The following MINDY1 variants were observed in gnomAD, a reference collection of about 807,000 sequenced individuals.
MINDY1 encodes MINDY lysine 48 deubiquitinase 1.
MINDY1 carries 50 observed loss-of-function variants against 53.6 expected under a neutral mutation model. The ratio of observed to expected loss-of-function variants is 0.93; its 90% confidence interval spans 0.74 to 1.18. MINDY1 has a LOEUF of 1.18. MINDY1 is among the 50% of genes most tolerant of loss of function. The pLI is 0.00. For missense variants in MINDY1, 484 were observed against 578.6 expected, an observed-to-expected ratio of 0.84 and a Z score of 1.68; for synonymous variants, 231 against 234.7, an observed-to-expected ratio of 0.98 and a Z score of 0.14.
At chr1:151,008,328 A>T (rs1048287289), upstream of MINDY1, 7 of 1,315,146 alleles carry the variant, frequency 5.3e-6, no homozygotes, top group South Asian at 4.9e-5. Flanking sequence ...TTGCGGGACT[A>T]CGTTTCCCAC....
Position 151,002,379 on chromosome 1 carries a change from G to A in MINDY1, c.239C>T (p.Pro80Leu). Residue 80 changes from proline (P) to leucine (L), a missense_variant, in exon 2 of 10, where the codon CCA becomes CTA. Physicochemically the swap from Pro to Leu is moderately conservative, Grantham distance 98. Transcript: ENST00000683666. The surrounding 1 kb of genome is among the most constrained non-coding windows in gnomAD (Gnocchi z 4.1). ...TACTTCAGGCAGTGTCCCAAGGGTT[G>A]GCCCCGGTGGAGCTGAGCTAGCTTC... ...LPEASSAPPG[P>L]TLGTLPEVET... 1.2e-6 allele frequency: 2 copies of A among 1,614,186 alleles called. No homozygotes were observed. Among genetic ancestry groups the A allele is most frequent in the Non-Finnish European group, 1.7e-6 (2 of 1,180,036 alleles).
In MINDY1 at chr1:150,997,122, G is replaced by T; in HGVS notation, c.*165C>A. 1.4e-6 allele frequency: 1 copy of T among 709,028 alleles called. No individual in the cohort carries two copies. The allele number at this position is 709,028 out of a possible 1,614,324, so 43.9% of individuals were successfully genotyped here. Reference sequence around the variant, plus strand: ...GGCAGAGAAGGCAGCAGCACGTGAGGTCAAGGACATTACCAAGTCTGACCT... The same window carrying T: ...GGCAGAGAAGGCAGCAGCACGTGAGTTCAAGGACATTACCAAGTCTGACCT... On this transcript the variant is annotated 3_prime_UTR_variant, in exon 10 of 10. Transcript: ENST00000683666.
chr1:151,004,236 T>A lies in MINDY1; in HGVS notation c.-89-1530A>T, dbSNP rs1672888240. 2.6e-5 allele frequency among the ~76,000 whole-genome samples: 4 copies of A among 152,020 alleles called. No homozygotes were observed. In the South Asian group the frequency reaches 8.3e-4, roughly 32 times the overall value. ...CCGTGCCCAGTCCTCTCCAGGTCAT[T>A]TTAGATGTGAACACCGGACCTGTTT... On this transcript the variant is annotated intron_variant, in intron 1 of 9. Coordinates refer to ENST00000683666, the MANE Select transcript of MINDY1 (RefSeq NM_001376665.1).
intron 7 of MINDY1, among the ~76,000 whole-genome samples, chr1:150,998,810 C>A (rs775446028): frequency 1.3e-5 from 2 of 152,156 alleles, no homozygotes; most frequent in Non-Finnish European, 2.9e-5. Context: ...ACCCTGCTCC[C>A]CCCATTTCCC....
Position 151,002,947 on chromosome 1 carries a change from C to T in MINDY1, c.-89-241G>A. The T allele has an allele frequency of 7.6e-7, 1 of 1,320,376 alleles. No individual in the cohort carries two copies. Among genetic ancestry groups the T allele is most frequent in the South Asian group, 1.8e-5 (1 of 54,566 alleles). The allele number at this position is 1,320,376 out of a possible 1,614,324, so 81.8% of individuals were successfully genotyped here. A position where few individuals can be genotyped will look rare whatever the true frequency, so the allele number is the denominator to read the frequency against. On this transcript the variant is annotated intron_variant, in intron 1 of 9. Coordinates refer to ENST00000683666, the MANE Select transcript of MINDY1 (RefSeq NM_001376665.1). This position sits in a 1 kb window ranked among gnomAD's most constrained non-coding sequence, Gnocchi z 4.1. ...GGGAGGGAAGACTGGTGGGATTGAA[C>T]ACATGGGTGGAGTCAGCTTCCCTGA...
chr1:151,008,123 G>T, upstream of MINDY1: 1 of 568,760 alleles, frequency 1.8e-6, no homozygotes, highest in Non-Finnish European at 2.3e-6. Context: ...AAGATGATCT[G>T]TTTTGCCAAG....
At chr1:151,001,392 G>A (rs928230342) in intron 3 of MINDY1, 78 bp from the exon 4 acceptor site, 64 of 1,464,916 alleles carry the variant, frequency 4.4e-5, no homozygotes, top group Non-Finnish European at 5.8e-5. Flanking sequence ...TGGAGAATGC[G>A]GGTAATGTCA....
At position 151,006,707 on chromosome 1, in the gene MINDY1, G is replaced by A; in HGVS notation, c.-485C>T. ...TCTTTTTTGTTCTCATCAGGACGAA[G>A]AAAAATTAGGCAAGGACAAGCTCCC... is the stretch of plus-strand genomic sequence containing the variant. On this transcript the variant is annotated 5_prime_UTR_variant, in exon 1 of 10. Transcript: ENST00000683666. The A allele has an allele frequency of 1.0e-6, 1 of 985,622 alleles. No homozygotes were observed. 61.1% of individuals were successfully genotyped at this position (985,622 alleles called of 1,614,324 possible).
chr1:151,006,243 C>A, intron 1 of MINDY1, 69 bp downstream of exon 1: 1 of 1,509,982 alleles, frequency 6.6e-7, no homozygotes, highest in Admixed American at 2.1e-5. Context: ...GTCAGCTCCC[C>A]AAAGCTGGAG....
intron 8 of MINDY1, 56 bp from the exon 9 acceptor site, chr1:150,997,835 G>A (rs1009577080): frequency 2.9e-5 from 45 of 1,542,020 alleles, no homozygotes; most frequent in African/African-American, 1.5e-4. Flanking sequence ...GGCTATTCAG[G>A]CAAGGTTTCC....
chr1:150,997,280 G>A lies in MINDY1; in HGVS notation c.*7C>T, dbSNP rs778198227. The A allele has an allele frequency of 3.2e-6, 5 of 1,581,488 alleles. No individual in the cohort carries two copies. In the East Asian group the frequency reaches 1.2e-4, roughly 37 times the overall value. ...AAGGGGCAGGCCAGCCTGGCACTGG[G>A]GCAGAGCTACAGCAGAATGCAGTCT... On this transcript the variant is annotated 3_prime_UTR_variant, in exon 10 of 10. Transcript: ENST00000683666.
intron 9 of MINDY1, 39 bp from the exon 10 acceptor site, chr1:150,997,406 G>A: frequency 6.4e-7 from 1 of 1,573,474 alleles, no homozygotes; most frequent in East Asian, 2.4e-5. Context: ...AACTTCCTTG[G>A]AAGAGCACAA....
In MINDY1 at chr1:151,002,656, T is replaced by C. The variant is rs923905445; in HGVS notation, c.-39A>G. On this transcript the variant is annotated 5_prime_UTR_variant, in exon 2 of 10. Transcript: ENST00000683666. The surrounding 1 kb of genome is among the most constrained non-coding windows in gnomAD (Gnocchi z 4.1). ...TTGGCTGAGGGGCACTGAAGGTGTTTACTAACCTCAGGGACTTGCCTAAGC... is the reference window on the plus strand; with the variant it reads ...TTGGCTGAGGGGCACTGAAGGTGTTCACTAACCTCAGGGACTTGCCTAAGC... 5.0e-6 allele frequency: 8 copies of C among 1,613,758 alleles called. No individual in the cohort carries two copies. The African/African-American group carries it at 1.1e-4, about 22-fold the overall frequency.
At chr1:151,003,383 C>T (rs1006586307) in intron 1 of MINDY1, among the ~76,000 whole-genome samples, 1 of 152,042 alleles carries the variant, frequency 6.6e-6, no homozygotes, top group African/African-American at 2.4e-5. Context: ...TCTACTGAAC[C>T]TTACACAATC....
Position 150,996,990 on chromosome 1 carries a change from G to C in MINDY1, c.*297C>G, listed in dbSNP as rs1363648571. 2 of 428,620 alleles carry C rather than the reference G, an allele frequency of 4.7e-6. No homozygotes were observed. The highest frequency in any genetic ancestry group is 8.5e-6 in the Non-Finnish European group (2 of 236,420). The allele number at this position is 428,620 out of a possible 1,614,324, so 26.6% of individuals were successfully genotyped here. ...TGGGAAGCAGAAGAGATGCATTCTG[G>C]ATAGGGACCTCACCCCAGAGCCTCA... is the stretch of plus-strand genomic sequence containing the variant. On this transcript the variant is annotated 3_prime_UTR_variant, in exon 10 of 10. Transcript: ENST00000683666.
In MINDY1 at chr1:150,999,302, G is replaced by C. The variant is rs752586908; in HGVS notation, c.981+67C>G. On this transcript the variant is annotated intron_variant, in intron 7 of 9. Transcript: ENST00000683666. This position sits in a 1 kb window ranked among gnomAD's most constrained non-coding sequence, Gnocchi z 4.4. ...CGGCTTAATCTAGCTGATCCCAGCT[G>C]GACCCACGAGAAAAAGGCACCAGGA... The C allele has an allele frequency of 2.4e-4, 391 of 1,596,016 alleles. No individual in the cohort carries two copies. Among genetic ancestry groups the C allele is most frequent in the Admixed American group, 7.3e-4 (43 of 59,178 alleles).
intron 5 of MINDY1, 31 bp downstream of exon 5, chr1:151,000,426 A>G: frequency 6.4e-7 from 1 of 1,561,946 alleles, no homozygotes; most frequent in East Asian, 2.3e-5. Context: ...CTTGAGCTGG[A>G]TAAGGTCCCA....
At chr1:151,006,181 A>G (rs745436998) in intron 1 of MINDY1, 131 bp downstream of exon 1, 14 of 1,551,140 alleles carry the variant, frequency 9.0e-6, no homozygotes, top group Non-Finnish European at 1.2e-5. Context: ...CTCCTGACTT[A>G]GCTCCTCTAA....
chr1:151,003,048 GAGAA>G (rs1038613463), intron 1 of MINDY1: 1 of 906,938 alleles, frequency 1.1e-6, no homozygotes, highest in African/African-American at 1.8e-5. Context: ...ATAAGAGGTG[GAGAA>G]AGAAATGTTA....
Sources: allele counts gnomAD v4.1 joint callset (sites outside exome capture counted in the v4.1 genomes callset), GRCh38; gene constraint gnomAD v4.1.1; non-coding constraint Gnocchi (gnomAD v3.1); transcripts MANE v1.5; gene names NCBI Gene and HGNC (gene_info 2026-07-23, HGNC 2026-07-21).